The following CNTN5 variants were observed in gnomAD, a reference collection of about 807,000 sequenced individuals.
The protein encoded by CNTN5 is contactin-5.
Under a neutral mutation model 129.1 loss-of-function variants are expected in CNTN5, and 77 were observed. The observed-to-expected ratio is 0.60, with a 90% CI of 0.50 to 0.72. The LOEUF (loss-of-function observed/expected upper bound fraction) is 0.72. Ranked by LOEUF, CNTN5 falls within the 30% of genes least tolerant of loss-of-function variation. The pLI is 0.00. For missense variants in CNTN5, 1,478 were observed against 1,328.8 expected, an observed-to-expected ratio of 1.11 and a Z score of -1.75; for synonymous variants, 509 against 465.6, an observed-to-expected ratio of 1.09 and a Z score of -1.20.
intron 3 of CNTN5, among the ~76,000 whole-genome samples, chr11:99,739,460 C>A (rs568068261): frequency 1.3e-5 from 2 of 152,170 alleles, no homozygotes; most frequent in East Asian, 3.9e-4. Flanking sequence ...TTTACGTTAT[C>A]TGAAACAAAG....
intron 3 of CNTN5, among the ~76,000 whole-genome samples, chr11:99,624,125 C>T (rs555680289): frequency 1.4e-4 from 21 of 151,912 alleles, no homozygotes; most frequent in African/African-American, 4.3e-4. Context: ...ATTCTCATTA[C>T]AATAGTTTAA....
intron 1 of CNTN5, among the ~76,000 whole-genome samples, chr11:99,141,136 G>T (rs1328514105): frequency 6.6e-6 from 1 of 152,014 alleles, no homozygotes; most frequent in East Asian, 1.9e-4. Context: ...ATGTTTACTG[G>T]TTGGTAGTTT....
At chr11:99,052,155 T>C (rs1225735071) in intron 1 of CNTN5, among the ~76,000 whole-genome samples, 1 of 151,864 alleles carries the variant, frequency 6.6e-6, no homozygotes, top group East Asian at 1.9e-4. Context: ...AAGGATATTG[T>C]ATGCATGTTA....
chr11:99,100,834 G>A (rs1866696238), intron 1 of CNTN5, among the ~76,000 whole-genome samples: 2 of 152,080 alleles, frequency 1.3e-5, no homozygotes, highest in Admixed American at 6.6e-5. Flanking sequence ...TAAATAAAAT[G>A]CACTTGGAGA....
chr11:100,301,732 C>A (rs1226211606), intron 20 of CNTN5, among the ~76,000 whole-genome samples: 1 of 151,590 alleles, frequency 6.6e-6, no homozygotes, highest in African/African-American at 2.4e-5. Context: ...CAAATCTGAT[C>A]ACACTAACTA....
chr11:99,796,454 G>T (rs146505582), intron 3 of CNTN5, among the ~76,000 whole-genome samples: 5 of 152,056 alleles, frequency 3.3e-5, no homozygotes, highest in African/African-American at 4.8e-5. Context: ...AGGATATGGT[G>T]GGGGGTAAGT....
chr11:99,195,252 T>C (rs557288041), intron 1 of CNTN5, among the ~76,000 whole-genome samples: 2 of 152,298 alleles, frequency 1.3e-5, no homozygotes, highest in South Asian at 4.2e-4. Flanking sequence ...CATTTACCCA[T>C]GCCCCTATTA....
chr11:99,429,783 G>T (rs142454261), intron 2 of CNTN5, among the ~76,000 whole-genome samples: 1 of 151,918 alleles, frequency 6.6e-6, no homozygotes, highest in African/African-American at 2.4e-5. Context: ...TGTTACTAAG[G>T]CATTTCTCTA....
At chr11:99,881,900 C>T (rs781457390) in intron 6 of CNTN5, among the ~76,000 whole-genome samples, 1 of 152,208 alleles carries the variant, frequency 6.6e-6, no homozygotes, top group Non-Finnish European at 1.5e-5. Context: ...CCTATCTCAT[C>T]TTGTTCATCA....
At chr11:99,287,703 GA>G (rs1863998058) in intron 1 of CNTN5, among the ~76,000 whole-genome samples, 1 of 151,902 alleles carries the variant, frequency 6.6e-6, no homozygotes, top group Non-Finnish European at 1.5e-5. Context: ...TTATGCATAC[GA>G]TTAGGAGCCA....
chr11:100,232,170 A>C (rs1258573565), intron 16 of CNTN5, among the ~76,000 whole-genome samples: 2 of 152,062 alleles, frequency 1.3e-5, no homozygotes, highest in Non-Finnish European at 2.9e-5. Flanking sequence ...CAAAAAACAA[A>C]ACAAAGAGTC....
At chr11:100,074,498 GT>G in intron 13 of CNTN5, 1 of 469,994 alleles carries the variant, frequency 2.1e-6, no homozygotes, top group Non-Finnish European at 3.7e-6. Flanking sequence ...ACTCCATGGG[GT>G]TTTAGCATAA....
chr11:99,809,901 A>AT (rs1946379931), intron 3 of CNTN5, among the ~76,000 whole-genome samples: 1 of 152,130 alleles, frequency 6.6e-6, no homozygotes, highest in Non-Finnish European at 1.5e-5. Flanking sequence ...GAAATCTTTA[A>AT]TTATCCAAAA....
chr11:99,511,025 G>A (rs548934603), intron 2 of CNTN5, among the ~76,000 whole-genome samples: 6 of 152,102 alleles, frequency 3.9e-5, no homozygotes, highest in Non-Finnish European at 5.9e-5. Context: ...TGCAGGCCTC[G>A]GCTGATGTGT....
intron 21 of CNTN5, among the ~76,000 whole-genome samples, chr11:100,332,377 T>C (rs751467586): frequency 1.3e-5 from 2 of 152,022 alleles, no homozygotes; most frequent in African/African-American, 4.8e-5. Context: ...GAGGATCACA[T>C]GGATTCACAG....
intron 1 of CNTN5, among the ~76,000 whole-genome samples, chr11:99,203,489 T>C (rs1035980158): frequency 6.8e-6 from 1 of 147,228 alleles, no homozygotes; most frequent in Non-Finnish European, 1.5e-5. Context: ...ATTTACCATC[T>C]GAAAAACACT....
chr11:100,156,399 T>C (rs1306155971), intron 13 of CNTN5, among the ~76,000 whole-genome samples: 1 of 152,180 alleles, frequency 6.6e-6, no homozygotes, highest in Non-Finnish European at 1.5e-5. Context: ...CTGGATTTGG[T>C]TTGCCAGTAT....
chr11:99,097,874 C>T (rs990504921), intron 1 of CNTN5, among the ~76,000 whole-genome samples: 3 of 151,692 alleles, frequency 2.0e-5, no homozygotes, highest in African/African-American at 7.3e-5. Context: ...GGCCAGTTTA[C>T]ATAGTAAGAA....
chr11:100,199,357 A>G (rs1189325628), intron 15 of CNTN5, among the ~76,000 whole-genome samples: 1 of 151,754 alleles, frequency 6.6e-6, no homozygotes, highest in Non-Finnish European at 1.5e-5. Flanking sequence ...TTCAGATCCT[A>G]CCTCTTGGTT....
Sources: allele counts gnomAD v4.1 joint callset (sites outside exome capture counted in the v4.1 genomes callset), GRCh38; gene constraint gnomAD v4.1.1; transcripts MANE v1.5; gene names NCBI Gene and HGNC (gene_info 2026-07-23, HGNC 2026-07-21).